TMEM237: variants seen among roughly 807,000 people sequenced by gnomAD.
TMEM237 encodes amyotrophic lateral sclerosis 2 (juvenile) chromosome region, candidate 4.
TMEM237 carries 51 observed loss-of-function variants against 59.1 expected under a neutral mutation model. That is an observed-to-expected ratio of 0.86 (90% CI 0.69 to 1.09). The LOEUF is 1.09. Among genes scored for constraint, TMEM237 ranks in the 50% least tolerant of loss-of-function variants. The probability of loss-of-function intolerance (pLI) is 0.00; values close to 1 mark genes in which losing one functional copy is unlikely to be tolerated. For synonymous variants in TMEM237, 140 were observed against 166.1 expected, an observed-to-expected ratio of 0.84 and a Z score of 1.21; for missense variants, 475 against 478.3, an observed-to-expected ratio of 0.99 and a Z score of 0.06.
At position 201,624,302 on chromosome 2, in the gene TMEM237, C is replaced by T. The variant is rs771987214; in HGVS notation, c.1180G>A (p.Val394Met). ...TTCTCTTTATCAGGATATTCTTCCA[C>T]CTCTGAGGAGAACATTAACTCTGGA... ...LSEELMFSSE[V>M]EEYPDKEKEI... The change falls in exon 13 of 13, where the codon GTG becomes ATG. Residue 394 changes from valine (V) to methionine (M), a missense_variant. Transcript: ENST00000409883. 1.2e-6 allele frequency: 2 copies of T among 1,612,222 alleles called. No homozygotes were observed. Among genetic ancestry groups the T allele is most frequent in the Non-Finnish European group, 1.7e-6 (2 of 1,178,946 alleles).
intron 5 of TMEM237, chr2:201,634,817 G>A: frequency 2.4e-6 from 1 of 412,372 alleles, no homozygotes; most frequent in Non-Finnish European, 5.0e-6. Context: ...CCAAAATTAT[G>A]CTCCATTCTC....
chr2:201,627,580 T>C (rs1957770542), intron 10 of TMEM237, 166 bp from the exon 11 acceptor site: 1 of 517,522 alleles, frequency 1.9e-6, no homozygotes, highest in Admixed American at 3.3e-5. Flanking sequence ...CTTATATAAA[T>C]TTTTGAGAAC....
In TMEM237 at chr2:201,643,274, G is replaced by GGCCCCCCCCCCCCCCCCCC; in HGVS notation, c.42+84_42+85insGGGGGGGGGGGGGGGGGGC. The GGCCCCCCCCCCCCCCCCCC allele has an allele frequency of 6.6e-6, 8 of 1,206,752 alleles. No homozygotes were observed. The highest frequency in any genetic ancestry group is 8.2e-6 in the Non-Finnish European group (7 of 849,318). The allele number at this position is 1,206,752 out of a possible 1,614,324, so 74.8% of individuals were successfully genotyped here. On this transcript the variant is annotated intron_variant, in intron 1 of 12. Transcript: ENST00000409883. This position sits in a 1 kb window ranked among gnomAD's most constrained non-coding sequence, Gnocchi z 4.3. ...CCTTAGTGATTCCCAGCTCGTTGGCGCCCCCCCACACACACCCACCCCCAC... is the reference window on the plus strand; with the variant it reads ...CCTTAGTGATTCCCAGCTCGTTGGCGGCCCCCCCCCCCCCCCCCCCCCCCCCACACACACCCACCCCCAC...
At chr2:201,640,787 G>T in intron 2 of TMEM237, 106 bp downstream of exon 2, 1 of 961,448 alleles carries the variant, frequency 1.0e-6, no homozygotes, top group Non-Finnish European at 1.5e-6. Context: ...TTTCAGAAGA[G>T]TTTCCTGAAT....
In TMEM237 at chr2:201,635,796, G is replaced by T. The variant is rs533947447; in HGVS notation, c.274+952C>A. On this transcript the variant is annotated intron_variant, in intron 5 of 12. Transcript: ENST00000409883. The surrounding 1 kb of genome is among the most constrained non-coding windows in gnomAD (Gnocchi z 4.5). ...AAAAAAAGAGGCTCGAAGAAACAAG[G>T]AAGGATTCTTTTCTAGAGACTTCAG... Among the ~76,000 whole-genome samples the T allele has an allele frequency of 1.1e-3, 165 of 150,986 alleles. No homozygotes were observed. Among genetic ancestry groups the T allele is most frequent in the African/African-American group, 3.5e-3 (146 of 41,212 alleles).
chr2:201,632,503 A>C (rs1343655916), intron 6 of TMEM237, among the ~76,000 whole-genome samples: 1 of 152,186 alleles, frequency 6.6e-6, no homozygotes, highest in Admixed American at 6.5e-5. Context: ...CTATGTCCCC[A>C]CCCAAAATCT....
intron 4 of TMEM237, 145 bp downstream of exon 4, chr2:201,638,844 T>C (rs928486426): frequency 2.6e-6 from 2 of 782,918 alleles, no homozygotes; most frequent in African/African-American, 3.5e-5. Context: ...GGAATTCCAC[T>C]GCTTCAAACT....
chr2:201,631,146 G>A (rs780227162), intron 7 of TMEM237: 4 of 152,100 alleles, frequency 2.6e-5, no homozygotes, highest in Non-Finnish European at 4.4e-5. Context: ...ATTAGATTTC[G>A]ATGAAGTCAT....
At chr2:201,628,051 T>A (rs756215753) in intron 10 of TMEM237, 25 bp downstream of exon 10, 2 of 1,572,474 alleles carry the variant, frequency 1.3e-6, no homozygotes, top group Admixed American at 3.5e-5. Context: ...TATTACACAG[T>A]TATCATGTTA....
intron 10 of TMEM237, among the ~76,000 whole-genome samples, chr2:201,627,656 A>G (rs1957771030): frequency 6.6e-6 from 1 of 152,196 alleles, no homozygotes; most frequent in South Asian, 2.1e-4. Flanking sequence ...AGAACCTAGA[A>G]CATCTTTTTA....
chr2:201,633,384 A>C lies in TMEM237; in HGVS notation c.322T>G (p.Leu108Val). 1 of 1,584,258 alleles carries C rather than the reference A, an allele frequency of 6.3e-7. No homozygotes were observed. Among genetic ancestry groups the C allele is most frequent in the Non-Finnish European group, 8.6e-7 (1 of 1,164,252 alleles). The change falls in exon 6 of 13, where the codon TTA becomes GTA. Residue 108 changes from leucine (L) to valine (V), a missense_variant. Coordinates refer to ENST00000409883, the MANE Select transcript of TMEM237 (RefSeq NM_001044385.3). ...GCATCAATACCATTTTCATTTCGTA[A>C]TAAAGATGAACTAGATGACTTCTTT... is the stretch of plus-strand genomic sequence containing the variant. ...TQKKSSSSSLLRNENGIDAEP... is the reference protein window; with the variant it reads ...TQKKSSSSSLVRNENGIDAEP...
chr2:201,628,001 ATTATAT>A, intron 10 of TMEM237, 69 bp downstream of exon 10: 2 of 1,110,298 alleles, frequency 1.8e-6, no homozygotes, highest in Non-Finnish European at 2.5e-6. Flanking sequence ...TTTAAAAAAA[ATTATAT>A]TTATCCTGGT....
In TMEM237 at chr2:201,643,396, C is replaced by G. The variant is rs1358717443; in HGVS notation, c.5G>C (p.Arg2Thr). ...CTCCAGCCGAGCCCCCGAGTCAGTC[C>G]TCATGGTGCTCTCCCCGCGGGGCTG... is the stretch of plus-strand genomic sequence containing the variant. M[R>T]TDSGARLEEG... Residue 2 changes from arginine (R) to threonine (T), a missense_variant, in exon 1 of 13, where the codon AGG (arginine) becomes ACG (threonine). By Grantham distance (71) the Arg-to-Thr change is moderately conservative. Coordinates refer to ENST00000409883, the MANE Select transcript of TMEM237 (RefSeq NM_001044385.3). The surrounding 1 kb of genome is among the most constrained non-coding windows in gnomAD (Gnocchi z 4.3). 2.0e-6 allele frequency: 3 copies of G among 1,532,990 alleles called. No homozygotes were observed. Among genetic ancestry groups the G allele is most frequent in the East Asian group, 5.2e-5 (2 of 38,386 alleles). The allele number at this position is 1,532,990 out of a possible 1,614,324, so 95.0% of individuals were successfully genotyped here.
At position 201,623,566 on chromosome 2, in the gene TMEM237, T is replaced by C. The variant is rs546370073; in HGVS notation, c.*689A>G. On this transcript the variant is annotated 3_prime_UTR_variant, in exon 13 of 13. Transcript: ENST00000409883. The stretch of plus-strand genomic sequence containing the variant: ...TGAGCCTTGCCCTGCTCAGCCTCTT[T>C]TGCTACATAGATTTTTAAAATCTCC... 6.5e-6 allele frequency: 1 copy of C among 152,738 alleles called. No individual in the cohort carries two copies. The highest frequency in any genetic ancestry group is 6.5e-5 in the Admixed American group (1 of 15,328). The allele number at this position is 152,738 out of a possible 1,614,324, so 9.5% of individuals were successfully genotyped here.
intron 8 of TMEM237, 32 bp from the exon 9 acceptor site, chr2:201,629,453 G>C (rs754727689): frequency 6.8e-7 from 1 of 1,476,354 alleles, no homozygotes; most frequent in African/African-American, 1.4e-5. Context: ...TATTATACAT[G>C]AATTACTAAA....
chr2:201,630,042 C>T (rs1020347038), intron 7 of TMEM237, among the ~76,000 whole-genome samples, 190 bp from the exon 8 acceptor site: 1 of 151,984 alleles, frequency 6.6e-6, no homozygotes, highest in Admixed American at 6.6e-5. Flanking sequence ...CATAATTTTT[C>T]ATCTTGAAGA....
At chr2:201,642,769 T>G in intron 1 of TMEM237, 1 of 1,438,160 alleles carries the variant, frequency 7.0e-7, no homozygotes, top group Non-Finnish European at 9.1e-7. Flanking sequence ...CCTGCGGGGA[T>G]GTTGCGGTGA....
At chr2:201,633,928 G>A (rs531484279) in intron 5 of TMEM237, among the ~76,000 whole-genome samples, 94 of 152,318 alleles carry the variant, frequency 6.2e-4, no homozygotes, top group African/African-American at 1.8e-3. Context: ...GACACATGTT[G>A]TACAAAAGAA....
At chr2:201,629,950 A>G in intron 7 of TMEM237, 98 bp from the exon 8 acceptor site, 1 of 1,464,000 alleles carries the variant, frequency 6.8e-7, no homozygotes, top group East Asian at 2.4e-5. Flanking sequence ...GCAAACTAAG[A>G]CTGAAATATT....
Sources: allele counts gnomAD v4.1 joint callset (sites outside exome capture counted in the v4.1 genomes callset), GRCh38; gene constraint gnomAD v4.1.1; non-coding constraint Gnocchi (gnomAD v3.1); transcripts MANE v1.5; gene names NCBI Gene and HGNC (gene_info 2026-07-23, HGNC 2026-07-21).